MPP4: variants seen among roughly 807,000 people sequenced by gnomAD.
MPP4 encodes the protein MAGUK p55 subfamily member 4.
In MPP4, 91 loss-of-function variants were observed where a neutral mutation model predicts 98.3. That is an observed-to-expected ratio of 0.93 (90% CI 0.78 to 1.10). The LOEUF is 1.10. MPP4 is among the 50% of genes least tolerant of loss of function. The pLI, the probability that MPP4 is intolerant of heterozygous loss-of-function variation, is 0.00. For synonymous variants in MPP4, 261 were observed against 271.8 expected, an observed-to-expected ratio of 0.96 and a Z score of 0.39; for missense variants, 744 against 792.9, an observed-to-expected ratio of 0.94 and a Z score of 0.74.
chr2:201,651,031 C>G, intron 18 of MPP4: 1 of 985,242 alleles, frequency 1.0e-6, no homozygotes, highest in African/African-American at 1.7e-5. Context: ...TCTGAAAACA[C>G]AAAGATGAGT....
At chr2:201,650,930 C>T in intron 18 of MPP4, 1 of 985,352 alleles carries the variant, frequency 1.0e-6, no homozygotes, top group Non-Finnish European at 1.2e-6. Flanking sequence ...AGGAGTTCAT[C>T]AAATATCTAA....
At chr2:201,664,932 T>C (rs951379849) in intron 13 of MPP4, 2 of 166,916 alleles carry the variant, frequency 1.2e-5, no homozygotes, top group Non-Finnish European at 2.9e-5. Context: ...ACCTCCAAGA[T>C]ACAGAATGTT....
chr2:201,680,947 C>G lies in MPP4; in HGVS notation c.820G>C (p.Asp274His). Residue 274 changes from aspartate to histidine, a missense_variant, in exon 10 of 22, where the codon GAC (aspartate) becomes CAC (histidine). Coordinates refer to ENST00000409474, the MANE Select transcript of MPP4 (RefSeq NM_033066.3). The stretch of plus-strand genomic sequence containing the variant: ...TTCTGGTCCACAATCTGGAGGATGT[C>G]CCCCTTCTGGAAAGGCAATCCAGCG... ...MDAGLPFQKG[D>H]ILQIVDQNDA... 6.2e-7 allele frequency: 1 copy of G among 1,613,862 alleles called. No homozygotes were observed. The highest frequency in any genetic ancestry group is 8.5e-7 in the Non-Finnish European group (1 of 1,179,862).
Position 201,666,323 on chromosome 2 carries a change from GA to G in MPP4, c.1051+10del. On this transcript the variant is annotated intron_variant, in intron 13 of 21. Transcript: ENST00000409474. The stretch of plus-strand genomic sequence containing the variant: ...TCTTCTAACAGCAAAGCAATCAAGA[GA>G]AAATGTTACCTGCTTCCACACATTT... 4.5e-6 allele frequency: 7 copies of G among 1,551,406 alleles called. No individual in the cohort carries two copies. The highest frequency in any genetic ancestry group is 6.1e-6 in the Non-Finnish European group (7 of 1,147,306).
chr2:201,657,601 GTTTTTTTGTT>G (rs1478012234), intron 16 of MPP4, among the ~76,000 whole-genome samples: 3 of 104,994 alleles, frequency 2.9e-5, no homozygotes, highest in Admixed American at 1.1e-4. Flanking sequence ...TTTTTTTTTT[GTTTTTTTGTT>G]TTTTTTTGCT....
intron 7 of MPP4, among the ~76,000 whole-genome samples, chr2:201,684,099 G>A (rs1283219301): frequency 2.0e-5 from 3 of 151,546 alleles, no homozygotes; most frequent in Non-Finnish European, 2.9e-5. Flanking sequence ...GTGCACCAGT[G>A]GACCCAGCTA....
At chr2:201,680,571 C>T (rs1688637368) in intron 10 of MPP4, 3 of 380,594 alleles carry the variant, frequency 7.9e-6, no homozygotes, top group Non-Finnish European at 1.5e-5. Flanking sequence ...AGGACACAAA[C>T]ATTCAGGCCA....
intron 8 of MPP4, 54 bp from the exon 9 acceptor site, chr2:201,681,621 G>A: frequency 7.3e-7 from 1 of 1,372,598 alleles, no homozygotes; most frequent in Non-Finnish European, 1.0e-6. Context: ...CAGGGTTACT[G>A]GGGCTCGGTG....
Position 201,656,334 on chromosome 2 carries a change from C to T in MPP4, c.1164G>A (p.Arg388=). 3 of 1,555,920 alleles carry T rather than the reference C, an allele frequency of 1.9e-6. No homozygotes were observed. Among genetic ancestry groups the T allele is most frequent in the Non-Finnish European group, 2.6e-6 (3 of 1,149,312 alleles). The stretch of plus-strand genomic sequence containing the variant: ...CATGCAGCGGGCTGAGGTGAGACTT[C>T]CTGCGACAAAGGCGCATGCTGCGGC... ...GFRRSMRLCR[R]KSHLSPLHAS... is the part of the protein sequence containing the mutation. The change falls in exon 17 of 22, where the codon AGG becomes AGA. Residue 388 remains arginine (R), a synonymous_variant. Transcript: ENST00000409474.
rs758828154 is a variant in MPP4, at chr2:201,654,836, C to G, written c.1381+1G>C. On this transcript the variant is annotated splice_donor_variant, in intron 18 of 21. Transcript: ENST00000409474. LOFTEE classifies it high-confidence loss of function. ...CATTATGAAAGCAGAACTAAACATA[C>G]GTGGCACAGCACTTTGAAAATGGCT... 9 of 1,595,302 alleles carry G rather than the reference C, an allele frequency of 5.6e-6. No homozygotes were observed. The highest frequency in any genetic ancestry group is 7.7e-6 in the Non-Finnish European group (9 of 1,170,456).
chr2:201,654,836 C>T lies in MPP4; in HGVS notation c.1381+1G>A, dbSNP rs758828154. 9.4e-6 allele frequency: 15 copies of T among 1,595,420 alleles called. No homozygotes were observed. Among genetic ancestry groups the T allele is most frequent in the Middle Eastern group, 3.3e-4 (2 of 6,038 alleles). ...CATTATGAAAGCAGAACTAAACATA[C>T]GTGGCACAGCACTTTGAAAATGGCT... is the stretch of plus-strand genomic sequence containing the variant. On this transcript the variant is annotated splice_donor_variant, in intron 18 of 21. Coordinates refer to ENST00000409474, the MANE Select transcript of MPP4 (RefSeq NM_033066.3). LOFTEE classifies it high-confidence loss of function.
rs972479227 is a variant in MPP4, at chr2:201,698,024, A to G, written c.-101+563T>C. 5.1e-6 allele frequency: 5 copies of G among 985,354 alleles called. No individual in the cohort carries two copies. The Admixed American group carries it at 1.8e-4, about 36-fold the overall frequency. 61.0% of individuals were successfully genotyped at this position (985,354 alleles called of 1,614,324 possible). On this transcript the variant is annotated intron_variant, in intron 1 of 21. Coordinates refer to ENST00000409474, the MANE Select transcript of MPP4 (RefSeq NM_033066.3). ...TGAGAATTCTTGATTGAGACTGCAAATAAGTAAGCACCCACCACATGCAAT... is the reference window on the plus strand; with the variant it reads ...TGAGAATTCTTGATTGAGACTGCAAGTAAGTAAGCACCCACCACATGCAAT...
At chr2:201,692,605 C>T (rs2597906) in intron 3 of MPP4, among the ~76,000 whole-genome samples, 2,505 of 151,814 alleles carry the variant, frequency 0.017, 49 homozygotes, top group African/African-American at 0.046. Flanking sequence ...GGGCTCTGCC[C>T]TCATGAATAT....
chr2:201,663,607 T>C (rs1047382270), intron 14 of MPP4, among the ~76,000 whole-genome samples: 1 of 152,154 alleles, frequency 6.6e-6, no homozygotes, highest in African/African-American at 2.4e-5. Context: ...TCCCAGCTAC[T>C]TGGGAGGCTA....
Position 201,682,823 on chromosome 2 carries a change from A to C in MPP4, c.660+8T>G, listed in dbSNP as rs747522171. On this transcript the variant is annotated splice_region_variant and intron_variant, in intron 8 of 21. Transcript: ENST00000409474. ...AGTCATTAACAAAAAGGCAAAAAGA[A>C]GATTTACCAGAATATGGATCACTTG... The C allele has an allele frequency of 6.2e-7, 1 of 1,613,084 alleles. No individual in the cohort carries two copies. Among genetic ancestry groups the C allele is most frequent in the South Asian group, 1.1e-5 (1 of 91,020 alleles).
At chr2:201,664,280 T>C in intron 13 of MPP4, 179 bp from the exon 14 acceptor site, 1 of 1,475,260 alleles carries the variant, frequency 6.8e-7, no homozygotes, top group East Asian at 2.8e-5. Context: ...CAGCTTTACA[T>C]GAAACACATG....
chr2:201,652,792 T>C (rs1042451273), intron 18 of MPP4, among the ~76,000 whole-genome samples: 38 of 152,260 alleles, frequency 2.5e-4, no homozygotes, highest in African/African-American at 8.4e-4. Context: ...CCGATAGATC[T>C]CACTTCCACT....
intron 14 of MPP4, among the ~76,000 whole-genome samples, 179 bp from the exon 15 acceptor site, chr2:201,660,525 C>T (rs1309137040): frequency 6.6e-6 from 1 of 152,158 alleles, no homozygotes. Flanking sequence ...GACTGAGAAA[C>T]TGGTTTGCCC....
In MPP4 at chr2:201,645,063, T is replaced by A; in HGVS notation, c.*147A>T. ...TAACCACATAACCATACAATAAAAATTTTTTTCAAATAAGATTAATTAATA... is the reference window on the plus strand; with the variant it reads ...TAACCACATAACCATACAATAAAAAATTTTTTCAAATAAGATTAATTAATA... On this transcript the variant is annotated 3_prime_UTR_variant, in exon 22 of 22. Transcript: ENST00000409474. 1 of 693,898 alleles carries A rather than the reference T, an allele frequency of 1.4e-6. No homozygotes were observed. The highest frequency in any genetic ancestry group is 2.1e-6 in the Non-Finnish European group (1 of 479,308). 43.0% of individuals were successfully genotyped at this position (693,898 alleles called of 1,614,324 possible).
Sources: gnomAD v4.1 joint callset for allele counts (sites outside exome capture counted in the v4.1 genomes callset) on GRCh38, gnomAD v4.1.1 for gene constraint, MANE v1.5 for transcripts, NCBI Gene and HGNC (gene_info 2026-07-23, HGNC 2026-07-21) for gene names.